AOPEP: variants seen among roughly 807,000 people sequenced by gnomAD.
AOPEP encodes the protein aminopeptidase O.
AOPEP carries 77 observed loss-of-function variants against 98.1 expected under a neutral mutation model. The ratio of observed to expected loss-of-function variants is 0.78; its 90% CI spans 0.65 to 0.95. The LOEUF is 0.95. Among genes scored for constraint, AOPEP ranks in the 40% least tolerant of loss-of-function variants. The probability of loss-of-function intolerance (pLI) is 0.00; values close to 1 mark genes in which losing one functional copy is unlikely to be tolerated. For missense variants in AOPEP, 1,024 were observed against 1,024.7 expected (o/e 1.00, Z 0.01); for synonymous variants, 346 against 365.3 (o/e 0.95, Z 0.60).
intron 11 of AOPEP, among the ~76,000 whole-genome samples, chr9:94,997,892 T>G (rs1035605831): frequency 5.3e-5 from 8 of 152,086 alleles, no homozygotes; most frequent in Non-Finnish European, 7.3e-5. Context: ...AGAGATGGGA[T>G]CTCACTATGT....
At chr9:95,149,905 G>A in the AOPEP span, 1 of 1,584,836 alleles carries the variant, frequency 6.3e-7, no homozygotes, top group South Asian at 1.1e-5. Flanking sequence ...AGGATGACAG[G>A]AAACATTTGC....
intron 6 of AOPEP, among the ~76,000 whole-genome samples, chr9:94,926,902 A>T (rs974846892): frequency 6.6e-6 from 1 of 152,194 alleles, no homozygotes; most frequent in Non-Finnish European, 1.5e-5. Context: ...AGTCAGTCGC[A>T]AGGTTGGATG....
rs1278363465 is a variant in AOPEP, at chr9:94,930,122, C to T, written c.1661+1591C>T. Among the ~76,000 whole-genome samples, 1 of 152,148 alleles carries T rather than the reference C, an allele frequency of 6.6e-6. No individual in the cohort carries two copies. The highest frequency in any genetic ancestry group is 6.5e-5 in the Admixed American group (1 of 15,286). On this transcript the variant is annotated intron_variant, in intron 7 of 16. Transcript: ENST00000375315. The surrounding 1 kb of genome is among the most constrained non-coding windows in gnomAD (Gnocchi z 4.5). ...TGTGGAGAGCACCACAGGCAGCCGA[C>T]GGAAAGCCAGGAGAACGGTTGCAGC...
chr9:95,073,535 A>T (rs2134110262), intron 14 of AOPEP, among the ~76,000 whole-genome samples: 1 of 151,520 alleles, frequency 6.6e-6, no homozygotes, highest in Middle Eastern at 3.4e-3. Flanking sequence ...CTGTAATCCC[A>T]GAAGGCTGGG....
chr9:95,081,676 A>G (rs2069801062), intron 15 of AOPEP, among the ~76,000 whole-genome samples: 1 of 152,184 alleles, frequency 6.6e-6, no homozygotes, highest in South Asian at 2.1e-4. Flanking sequence ...AAGAAGGACA[A>G]AATTTAAGAG....
intron 13 of AOPEP, among the ~76,000 whole-genome samples, chr9:95,054,448 A>T (rs2066652035): frequency 6.6e-6 from 1 of 152,246 alleles, no homozygotes; most frequent in Non-Finnish European, 1.5e-5. Context: ...ATGTTTCATC[A>T]TTTAAATAAT....
intron 13 of AOPEP, among the ~76,000 whole-genome samples, chr9:95,013,544 C>CATATAGACCCTGAACA (rs1313256634): frequency 6.6e-6 from 1 of 152,012 alleles, no homozygotes; most frequent in African/African-American, 2.4e-5. Flanking sequence ...GCATTACATA[C>CATATAGACCCTGAACA]TATGCTGTAC....
intron 5 of AOPEP, among the ~76,000 whole-genome samples, chr9:94,908,315 C>T (rs561881000): frequency 2.0e-5 from 3 of 152,330 alleles, no homozygotes; most frequent in African/African-American, 7.2e-5. Flanking sequence ...GGTCCAGTCT[C>T]TGACTGTGCC....
At chr9:95,136,663 T>C in the AOPEP span, among the ~76,000 whole-genome samples, 2 of 152,148 alleles carry the variant, frequency 1.3e-5, no homozygotes, top group Non-Finnish European at 2.9e-5. Context: ...TTTTTTTTCT[T>C]GTAAAGATGG....
intron 3 of AOPEP, among the ~76,000 whole-genome samples, chr9:94,779,885 C>T (rs753374739): frequency 1.3e-5 from 2 of 152,106 alleles, no homozygotes; most frequent in African/African-American, 2.4e-5. Context: ...GCTGTGATAT[C>T]GTTTGGCCTT....
At chr9:94,833,297 G>A (rs1283193047) in intron 5 of AOPEP, among the ~76,000 whole-genome samples, 1 of 126,846 alleles carries the variant, frequency 7.9e-6, no homozygotes, top group African/African-American at 3.0e-5. Flanking sequence ...GAGTGCAATG[G>A]CATGATCTCA....
intron 13 of AOPEP, among the ~76,000 whole-genome samples, chr9:95,054,978 T>C (rs1474093154): frequency 1.3e-5 from 2 of 152,246 alleles, no homozygotes; most frequent in Non-Finnish European, 2.9e-5. Flanking sequence ...CAGTAGAGAC[T>C]TCTACTTGTA....
chr9:95,074,122 T>C (rs1015674030), intron 14 of AOPEP, among the ~76,000 whole-genome samples: 2 of 152,184 alleles, frequency 1.3e-5, no homozygotes, highest in African/African-American at 4.8e-5. Flanking sequence ...AGTGCCTGTG[T>C]GTGTGCTTCC....
intron 5 of AOPEP, among the ~76,000 whole-genome samples, chr9:94,828,300 C>CA (rs1050915013): frequency 6.7e-6 from 1 of 148,570 alleles, no homozygotes; most frequent in Non-Finnish European, 1.5e-5. Flanking sequence ...TCCAAAGTCA[C>CA]AAAGATTTCT....
intron 9 of AOPEP, among the ~76,000 whole-genome samples, chr9:94,959,053 G>GTTTTTGTTTTTT (rs1554783623): frequency 0.025 from 3,789 of 150,444 alleles, 178 homozygotes; most frequent in African/African-American, 0.088. Context: ...TAATGTTTTT[G>GTTTTTGTTTTTT]TTTTTTTTGA....
At chr9:94,944,277 A>G (rs1381691489) in intron 7 of AOPEP, among the ~76,000 whole-genome samples, 1 of 152,246 alleles carries the variant, frequency 6.6e-6, no homozygotes. Context: ...TGAAGAAATC[A>G]TATGCAAATG....
At chr9:95,116,584 A>G in the AOPEP span, among the ~76,000 whole-genome samples, 9 of 152,198 alleles carry the variant, frequency 5.9e-5, no homozygotes, top group African/African-American at 2.2e-4. Flanking sequence ...CCATGCTCCA[A>G]TAAGGCCCCT....
intron 14 of AOPEP, 42 bp from the exon 15 acceptor site, chr9:95,080,652 C>G (rs2069639722): frequency 6.6e-7 from 1 of 1,505,224 alleles, no homozygotes; most frequent in Admixed American, 1.7e-5. Context: ...GCTGGGATGC[C>G]TGCCTGCTTG....
intron 10 of AOPEP, among the ~76,000 whole-genome samples, chr9:94,974,027 C>G (rs761627229): frequency 2.6e-5 from 4 of 152,208 alleles, no homozygotes; most frequent in African/African-American, 9.6e-5. Flanking sequence ...CTCCAAACAG[C>G]AGAACCTGCA....
Sources: gnomAD v4.1 joint callset for allele counts (sites outside exome capture counted in the v4.1 genomes callset) on GRCh38, gnomAD v4.1.1 for gene constraint, Gnocchi (gnomAD v3.1) non-coding constraint, MANE v1.5 for transcripts, NCBI Gene and HGNC (gene_info 2026-07-23, HGNC 2026-07-21) for gene names.